Variants in CLNK observed in about 807,000 individuals in gnomAD.
CLNK encodes cytokine dependent hematopoietic cell linker.
A neutral mutation model predicts 68.6 loss-of-function variants in CLNK; 74 were observed. The observed-to-expected ratio is 1.08, with a 90% CI of 0.89 to 1.31. CLNK has a LOEUF of 1.31. CLNK is among the 50% of genes most tolerant of loss of function. The probability of loss-of-function intolerance (pLI) is 0.00; values close to 1 mark genes in which losing one functional copy is unlikely to be tolerated. For missense variants in CLNK, 553 were observed against 515.3 expected, an observed-to-expected ratio of 1.07 and a Z score of -0.71; for synonymous variants, 198 against 172.2, an observed-to-expected ratio of 1.15 and a Z score of -1.17.
At chr4:10,537,647 C>A (rs957242837) in intron 11 of CLNK, among the ~76,000 whole-genome samples, 2 of 47,330 alleles carry the variant, frequency 4.2e-5, no homozygotes, top group South Asian at 2.1e-3. Flanking sequence ...CTCTTTCTTT[C>A]TTTCTTTCTT....
At chr4:10,586,316 C>G (rs553175486) in intron 3 of CLNK, among the ~76,000 whole-genome samples, 2 of 148,564 alleles carry the variant, frequency 1.3e-5, no homozygotes, top group Admixed American at 1.4e-4. Flanking sequence ...AACCTCATCT[C>G]TGAATCTTTC....
intron 14 of CLNK, among the ~76,000 whole-genome samples, chr4:10,523,027 T>C (rs1245695877): frequency 2.0e-5 from 3 of 152,152 alleles, no homozygotes; most frequent in African/African-American, 7.2e-5. Flanking sequence ...GTGGAGATGA[T>C]CAATATTATT....
At chr4:10,551,848 ATT>A (rs201336299) in intron 8 of CLNK, among the ~76,000 whole-genome samples, 39 of 140,620 alleles carry the variant, frequency 2.8e-4, no homozygotes, top group South Asian at 1.1e-3. Flanking sequence ...GAGAATTGTA[ATT>A]TTTTTTTTTT....
intron 1 of CLNK, among the ~76,000 whole-genome samples, chr4:10,675,047 A>G (rs753121787): frequency 4.5e-4 from 69 of 152,146 alleles, no homozygotes; most frequent in South Asian, 2.1e-4. Context: ...GGGGCTTAAA[A>G]CCTAGATGAT....
intron 2 of CLNK, among the ~76,000 whole-genome samples, chr4:10,646,794 A>C (rs1360682736): frequency 6.6e-6 from 1 of 152,074 alleles, no homozygotes; most frequent in Admixed American, 6.6e-5. Flanking sequence ...ATTCTTAACT[A>C]TTCATTATCC....
chr4:10,606,622 G>A (rs532661610), intron 2 of CLNK, among the ~76,000 whole-genome samples: 1 of 152,208 alleles, frequency 6.6e-6, no homozygotes, highest in East Asian at 1.9e-4. Flanking sequence ...TCACAAACAT[G>A]TGAGTAATGT....
chr4:10,621,222 C>T (rs1310828828), intron 2 of CLNK, among the ~76,000 whole-genome samples: 1 of 152,160 alleles, frequency 6.6e-6, no homozygotes, highest in East Asian at 1.9e-4. Context: ...ACAGTATGTC[C>T]TTGAAACGCG....
chr4:10,704,267 T>C, the CLNK span, among the ~76,000 whole-genome samples: 1 of 152,158 alleles, frequency 6.6e-6, no homozygotes, highest in Non-Finnish European at 1.5e-5. Context: ...TAAGCTTCTG[T>C]AAAATGCCAT....
At chr4:10,525,814 C>T in intron 14 of CLNK, 27 bp downstream of exon 14, 1 of 1,450,514 alleles carries the variant, frequency 6.9e-7, no homozygotes, top group Non-Finnish European at 9.5e-7. Flanking sequence ...CAGCCTCAGA[C>T]CTGAGAAAGG....
intron 8 of CLNK, among the ~76,000 whole-genome samples, chr4:10,543,329 A>G (rs1310975242): frequency 6.6e-6 from 1 of 152,144 alleles, no homozygotes; most frequent in African/African-American, 2.4e-5. Context: ...GCTATTTTAT[A>G]TGGCTGTTGG....
chr4:10,651,793 A>G (rs867685318), intron 2 of CLNK, among the ~76,000 whole-genome samples: 3 of 152,282 alleles, frequency 2.0e-5, no homozygotes, highest in Admixed American at 6.5e-5. Context: ...TGAAAGTTCC[A>G]TTATTACTCT....
At chr4:10,493,162 T>TA (rs1194450669) in intron 18 of CLNK, among the ~76,000 whole-genome samples, 1 of 151,852 alleles carries the variant, frequency 6.6e-6, no homozygotes, top group African/African-American at 2.4e-5. Context: ...ACCAAAAATA[T>TA]AAAAAATTAG....
intron 4 of CLNK, among the ~76,000 whole-genome samples, chr4:10,583,537 G>C (rs1319956676): frequency 6.6e-6 from 1 of 152,058 alleles, no homozygotes; most frequent in East Asian, 1.9e-4. Context: ...CGCCTGCTTT[G>C]GCCTCCCAAA....
At chr4:10,539,262 G>A (rs910269089) in intron 11 of CLNK, among the ~76,000 whole-genome samples, 1 of 152,156 alleles carries the variant, frequency 6.6e-6, no homozygotes, top group East Asian at 1.9e-4. Context: ...GGTGTTTCTT[G>A]GAAAACTTAT....
intron 2 of CLNK, chr4:10,635,700 C>T (rs1723058415): frequency 6.6e-6 from 1 of 152,146 alleles, no homozygotes; most frequent in South Asian, 2.1e-4. Context: ...AAATTCCTCT[C>T]ATGAATTAAA....
chr4:10,524,087 A>AGAGGAAGAG (rs1718200338), intron 14 of CLNK: 1 of 153,762 alleles, frequency 6.5e-6, no homozygotes, highest in Admixed American at 6.8e-5. Flanking sequence ...AGAAAAGAGA[A>AGAGGAAGAG]GAGGAGGAGG....
chr4:10,609,257 G>T (rs1465374987), intron 2 of CLNK, among the ~76,000 whole-genome samples: 1 of 152,140 alleles, frequency 6.6e-6, no homozygotes, highest in African/African-American at 2.4e-5. Flanking sequence ...CAGTCTACCT[G>T]GCTCTGGCCC....
Position 10,490,614 on chromosome 4 carries a change from C to G in CLNK, c.1141-1G>C, listed in dbSNP as rs115470373. 5.8e-6 allele frequency: 9 copies of G among 1,562,052 alleles called. No individual in the cohort carries two copies. In the Admixed American group the frequency reaches 1.7e-4, roughly 30 times the overall value. On this transcript the variant is annotated splice_acceptor_variant, in intron 18 of 18. Transcript: ENST00000226951. LOFTEE classifies it high-confidence loss of function. ...TGATGTCTTCTACTGAATCAAACTT[C>G]TGAAACACAGAAAAGAAAGTTAATG... is the stretch of plus-strand genomic sequence containing the variant.
chr4:10,701,657 T>C, the CLNK span, among the ~76,000 whole-genome samples: 1 of 152,260 alleles, frequency 6.6e-6, no homozygotes, highest in Non-Finnish European at 1.5e-5. Context: ...CACGCCACCA[T>C]AGAAAAGGCT....
Sources: gnomAD v4.1 joint callset for allele counts (sites outside exome capture counted in the v4.1 genomes callset) on GRCh38, gnomAD v4.1.1 for gene constraint, MANE v1.5 for transcripts, NCBI Gene and HGNC (gene_info 2026-07-23, HGNC 2026-07-21) for gene names.